Variants in CDKAL1 observed in about 807,000 individuals in gnomAD.
The protein encoded by CDKAL1 is threonylcarbamoyladenosine tRNA methylthiotransferase.
CDKAL1 carries 32 observed loss-of-function variants against 68.2 expected under a neutral mutation model. The ratio of observed to expected loss-of-function variants is 0.47; its 90% CI spans 0.35 to 0.63. The LOEUF (loss-of-function observed/expected upper bound fraction) is 0.63. CDKAL1 is among the 30% of genes least tolerant of loss of function. The probability of loss-of-function intolerance (pLI) is 0.00; values close to 1 mark genes in which losing one functional copy is unlikely to be tolerated. For missense variants in CDKAL1, 606 were observed against 696.7 expected (o/e 0.87, Z 1.47); for synonymous variants, 234 against 244.3 (o/e 0.96, Z 0.39).
chr6:20,790,575 G>A lies in CDKAL1; in HGVS notation c.638+9310G>A, dbSNP rs9368236. Among the ~76,000 whole-genome samples, 399 of 152,296 alleles carry A rather than the reference G, an allele frequency of 2.6e-3. 11 individuals are homozygous for A. In the East Asian group the frequency reaches 0.067, roughly 25 times the overall value. On this transcript the variant is annotated intron_variant, in intron 8 of 15. Transcript: ENST00000274695. ...CAGCCAGTGATGCCCCCTGATCCAG[G>A]CCTCACTCAGCCCTGGGCCTACCAC...
At chr6:20,587,146 C>T (rs9465819) in intron 4 of CDKAL1, among the ~76,000 whole-genome samples, 55,274 of 151,340 alleles carry the variant, frequency 0.37, 10,341 homozygotes, top group Middle Eastern at 0.45. Flanking sequence ...GCCACCACGC[C>T]CCGCTAATTT....
chr6:20,876,593 T>C (rs1760531001), intron 9 of CDKAL1, among the ~76,000 whole-genome samples: 2 of 152,208 alleles, frequency 1.3e-5, no homozygotes, highest in African/African-American at 4.8e-5. Flanking sequence ...ACTTTTATTT[T>C]GAGCATGCAG....
At chr6:20,694,710 A>C (rs902152222) in intron 5 of CDKAL1, among the ~76,000 whole-genome samples, 1 of 152,152 alleles carries the variant, frequency 6.6e-6, no homozygotes, top group African/African-American at 2.4e-5. Flanking sequence ...AAAAAGTAGG[A>C]AATGTTTTTA....
At chr6:21,106,855 G>GTT (rs1562036273) in intron 12 of CDKAL1, among the ~76,000 whole-genome samples, 1 of 151,434 alleles carries the variant, frequency 6.6e-6, no homozygotes, top group African/African-American at 2.4e-5. Context: ...TTGTGTTTGT[G>GTT]TGTGTGCGTA....
chr6:21,197,604 T>C (rs1010224882), intron 13 of CDKAL1, among the ~76,000 whole-genome samples: 6 of 152,266 alleles, frequency 3.9e-5, no homozygotes, highest in African/African-American at 4.8e-5. Flanking sequence ...TTATTACTAT[T>C]CTTTCATATT....
chr6:20,650,571 G>C (rs1768713388), intron 5 of CDKAL1, among the ~76,000 whole-genome samples: 1 of 152,062 alleles, frequency 6.6e-6, no homozygotes, highest in African/African-American at 2.4e-5. Context: ...GATTCCATTT[G>C]TCAATTTTTG....
At chr6:21,226,215 A>G (rs1199733802) in intron 15 of CDKAL1, among the ~76,000 whole-genome samples, 1 of 152,080 alleles carries the variant, frequency 6.6e-6, no homozygotes, top group Non-Finnish European at 1.5e-5. Flanking sequence ...GACTGTTGTT[A>G]TCATCCCAAC....
At chr6:20,981,669 G>A (rs925489241) in intron 10 of CDKAL1, among the ~76,000 whole-genome samples, 7 of 152,152 alleles carry the variant, frequency 4.6e-5, no homozygotes, top group Admixed American at 2.0e-4. Context: ...GTGAAACCCC[G>A]TCTCTACTAA....
At chr6:21,228,585 A>G (rs1779837944) in intron 15 of CDKAL1, among the ~76,000 whole-genome samples, 2 of 152,184 alleles carry the variant, frequency 1.3e-5, no homozygotes, top group Non-Finnish European at 2.9e-5. Context: ...TGCTCATCTC[A>G]TTGGAATACA....
chr6:20,993,975 G>A (rs1000239833), intron 10 of CDKAL1, among the ~76,000 whole-genome samples: 8 of 151,934 alleles, frequency 5.3e-5, no homozygotes, highest in Non-Finnish European at 8.8e-5. Flanking sequence ...TTCCATGCTC[G>A]CTGCTACCAG....
At chr6:20,649,199 T>C in intron 4 of CDKAL1, 94 bp from the exon 5 acceptor site, 1 of 781,612 alleles carries the variant, frequency 1.3e-6, no homozygotes, top group Non-Finnish European at 2.2e-6. Flanking sequence ...CCACTGTTTT[T>C]CTCTCCCCTA....
At chr6:20,874,293 T>TG (rs1029798975) in intron 9 of CDKAL1, among the ~76,000 whole-genome samples, 11 of 123,016 alleles carry the variant, frequency 8.9e-5, no homozygotes, top group Non-Finnish European at 1.7e-4. Context: ...TAGCAAGTTT[T>TG]TTTGTTTGTT....
intron 5 of CDKAL1, among the ~76,000 whole-genome samples, chr6:20,708,379 A>G (rs1289448423): frequency 6.6e-6 from 1 of 152,224 alleles, no homozygotes; most frequent in Non-Finnish European, 1.5e-5. Flanking sequence ...TATATGACAT[A>G]GAAAAGGGTG....
intron 5 of CDKAL1, among the ~76,000 whole-genome samples, chr6:20,672,409 C>T (rs1178759482): frequency 1.3e-5 from 2 of 151,660 alleles, no homozygotes; most frequent in Non-Finnish European, 2.9e-5. Flanking sequence ...GGCTGTAGTG[C>T]AGTGGTGCAA....
intron 9 of CDKAL1, among the ~76,000 whole-genome samples, chr6:20,862,656 T>C (rs1581719761): frequency 6.7e-6 from 1 of 150,220 alleles, no homozygotes; most frequent in East Asian, 1.9e-4. Flanking sequence ...TGTGTGTGTG[T>C]GTGTGTGCGC....
intron 4 of CDKAL1, among the ~76,000 whole-genome samples, chr6:20,611,163 T>A (rs1480701104): frequency 6.6e-6 from 1 of 152,212 alleles, no homozygotes; most frequent in East Asian, 1.9e-4. Context: ...CATCTAAATA[T>A]CAGAAGGACA....
At chr6:21,172,498 C>G (rs1158455954) in intron 13 of CDKAL1, among the ~76,000 whole-genome samples, 2 of 152,158 alleles carry the variant, frequency 1.3e-5, no homozygotes, top group Non-Finnish European at 2.9e-5. Flanking sequence ...GCCTGTAATC[C>G]CAACACTTTG....
chr6:21,015,304 G>A (rs1478132332), intron 11 of CDKAL1, among the ~76,000 whole-genome samples: 1 of 152,046 alleles, frequency 6.6e-6, no homozygotes. Context: ...TTTGTTAGAA[G>A]CCTTTAAAGA....
chr6:20,976,484 C>G (rs1765852795), intron 10 of CDKAL1, among the ~76,000 whole-genome samples: 1 of 152,154 alleles, frequency 6.6e-6, no homozygotes, highest in African/African-American at 2.4e-5. Flanking sequence ...GCTTTGCCAA[C>G]CACTGCCTCC....
Sources: allele counts gnomAD v4.1 joint callset (sites outside exome capture counted in the v4.1 genomes callset), GRCh38; gene constraint gnomAD v4.1.1; transcripts MANE v1.5; gene names NCBI Gene and HGNC (gene_info 2026-07-23, HGNC 2026-07-21).